PPP1R37: variants seen among roughly 807,000 people sequenced by gnomAD.
The protein encoded by PPP1R37 is protein phosphatase 1 regulatory subunit 37, also known as leucine rich repeat containing 68.
A neutral mutation model predicts 61.0 loss-of-function variants in PPP1R37; 21 were observed. The observed-to-expected ratio is 0.34, with a 90% CI of 0.24 to 0.50. PPP1R37 has a LOEUF of 0.50. Among genes scored for constraint, PPP1R37 ranks in the 20% least tolerant of loss-of-function variants. The pLI is 0.98. For synonymous variants in PPP1R37, 443 were observed against 433.5 expected, an observed-to-expected ratio of 1.02 and a Z score of -0.27; for missense variants, 910 against 952.7, an observed-to-expected ratio of 0.96 and a Z score of 0.59.
intron 1 of PPP1R37, among the ~76,000 whole-genome samples, chr19:45,113,195 A>T (rs943106203): frequency 2.6e-5 from 4 of 152,158 alleles, no homozygotes; most frequent in Admixed American, 1.3e-4. Flanking sequence ...TTTTCTGAAG[A>T]GGGTGAGGGC....
intron 1 of PPP1R37, among the ~76,000 whole-genome samples, chr19:45,120,206 A>G (rs892966062): frequency 6.6e-6 from 1 of 151,832 alleles, no homozygotes; most frequent in African/African-American, 2.4e-5. Context: ...TTTAGTAGAG[A>G]CAAGGTTTCA....
chr19:45,142,914 C>G (rs908335898), intron 7 of PPP1R37: 1 of 180,914 alleles, frequency 5.5e-6, no homozygotes, highest in African/African-American at 2.4e-5. Context: ...GTCCAGACCG[C>G]GGGAGCAGTG....
chr19:45,139,849 A>G (rs977948753), intron 2 of PPP1R37, among the ~76,000 whole-genome samples: 1 of 152,230 alleles, frequency 6.6e-6, no homozygotes, highest in African/African-American at 2.4e-5. Context: ...GCCTTCACCA[A>G]GAAGCCTCCT....
At chr19:45,146,317 T>G in intron 11 of PPP1R37, 73 bp from the exon 12 acceptor site, 1 of 1,404,016 alleles carries the variant, frequency 7.1e-7, no homozygotes, top group Non-Finnish European at 9.7e-7. Flanking sequence ...AGGGTCTGGC[T>G]GGGGCCGGGC....
intron 1 of PPP1R37, among the ~76,000 whole-genome samples, chr19:45,111,148 C>T (rs1290371582): frequency 6.6e-6 from 1 of 152,152 alleles, no homozygotes; most frequent in Non-Finnish European, 1.5e-5. Flanking sequence ...CTCATTTGAC[C>T]CTGACAGTGA....
chr19:45,115,414 T>C (rs922507688), intron 1 of PPP1R37, among the ~76,000 whole-genome samples: 4 of 152,082 alleles, frequency 2.6e-5, no homozygotes, highest in Non-Finnish European at 1.5e-5. Flanking sequence ...TGCGCCTCAG[T>C]TTCCTCCTTT....
At chr19:45,126,490 G>A (rs1968406639) in intron 1 of PPP1R37, among the ~76,000 whole-genome samples, 3 of 152,198 alleles carry the variant, frequency 2.0e-5, no homozygotes, top group Admixed American at 2.0e-4. Context: ...TGGGGAAATG[G>A]GGCTCTGCCA....
At chr19:45,102,894 G>A (rs1968082500) in intron 1 of PPP1R37, among the ~76,000 whole-genome samples, 1 of 152,220 alleles carries the variant, frequency 6.6e-6, no homozygotes, top group African/African-American at 2.4e-5. Flanking sequence ...CAGGCTCCTG[G>A]GCTGGAGCCA....
chr19:45,095,758 T>TAAA (rs371559844), intron 1 of PPP1R37, among the ~76,000 whole-genome samples: 15,923 of 116,692 alleles, frequency 0.14, 1,125 homozygotes, highest in Non-Finnish European at 0.18. Flanking sequence ...GACCCGGTCT[T>TAAA]AAAAAAAAAA....
intron 1 of PPP1R37, among the ~76,000 whole-genome samples, chr19:45,117,425 G>A (rs950774244): frequency 3.9e-5 from 6 of 152,220 alleles, no homozygotes; most frequent in African/African-American, 1.2e-4. Flanking sequence ...CCTGGGCTGA[G>A]GAGTTGAGGT....
intron 1 of PPP1R37, among the ~76,000 whole-genome samples, chr19:45,125,174 T>A (rs1390835278): frequency 6.6e-6 from 1 of 152,046 alleles, no homozygotes; most frequent in African/African-American, 2.4e-5. Context: ...CTCTTTAATC[T>A]CTGAGCTTGG....
At chr19:45,113,599 G>A (rs1314108656) in intron 1 of PPP1R37, among the ~76,000 whole-genome samples, 1 of 152,186 alleles carries the variant, frequency 6.6e-6, no homozygotes, top group African/African-American at 2.4e-5. Flanking sequence ...CTGTCCTCTT[G>A]ACTCTTCATG....
chr19:45,112,188 G>GGT (rs1968209941), intron 1 of PPP1R37, among the ~76,000 whole-genome samples: 1 of 127,666 alleles, frequency 7.8e-6, no homozygotes, highest in Non-Finnish European at 1.8e-5. Context: ...CTGTCAGGCT[G>GGT]GTCTTGGAAC....
intron 1 of PPP1R37, 73 bp from the exon 2 acceptor site, chr19:45,138,441 G>A: frequency 9.2e-7 from 1 of 1,085,140 alleles, no homozygotes; most frequent in South Asian, 1.4e-5. Context: ...AGGCCTTAGG[G>A]CGGGAGTGGG....
rs1480811927 is a variant in PPP1R37 at position 45,140,486 on chromosome 19, C to T, written c.347-20C>T. 21 of 1,518,960 alleles carry T rather than the reference C, an allele frequency of 1.4e-5. No homozygotes were observed. The highest frequency in any genetic ancestry group is 2.8e-5 in the African/African-American group (2 of 72,706). The allele number at this position is 1,518,960 out of a possible 1,614,324, so 94.1% of individuals were successfully genotyped here. ...AGGTGCACTGTCTTAGACATGCGCA[C>T]GGCTGCTGTCTCCCCCCAGGTGAGA... is the stretch of plus-strand genomic sequence containing the variant. On this transcript the variant is annotated intron_variant, in intron 3 of 12. Coordinates refer to ENST00000221462, the MANE Select transcript of PPP1R37 (RefSeq NM_019121.2).
chr19:45,119,008 G>A (rs775989003), intron 1 of PPP1R37, among the ~76,000 whole-genome samples: 9 of 151,788 alleles, frequency 5.9e-5, no homozygotes, highest in Non-Finnish European at 1.2e-4. Flanking sequence ...TGGTTTTTGA[G>A]ACGGAGTCTC....
chr19:45,113,812 G>A (rs1968231327), intron 1 of PPP1R37, among the ~76,000 whole-genome samples: 1 of 152,070 alleles, frequency 6.6e-6, no homozygotes, highest in Admixed American at 6.6e-5. Flanking sequence ...TCTTCACTTC[G>A]GCACCATCAG....
At chr19:45,132,197 A>G (rs1269786601) in intron 1 of PPP1R37, among the ~76,000 whole-genome samples, 1 of 151,636 alleles carries the variant, frequency 6.6e-6, no homozygotes, top group Non-Finnish European at 1.5e-5. Flanking sequence ...TGACCTTGAG[A>G]CCCACACTCA....
chr19:45,142,506 T>C, intron 7 of PPP1R37, 48 bp downstream of exon 7: 1 of 1,514,262 alleles, frequency 6.6e-7, no homozygotes, highest in Middle Eastern at 1.7e-4. Context: ...CAGCACCCAC[T>C]CTGCCCGGCC....
Sources: gnomAD v4.1 joint callset for allele counts (sites outside exome capture counted in the v4.1 genomes callset) on GRCh38, gnomAD v4.1.1 for gene constraint, MANE v1.5 for transcripts, NCBI Gene and HGNC (gene_info 2026-07-23, HGNC 2026-07-21) for gene names.